ABCA12: variants seen among roughly 807,000 people sequenced by gnomAD.
ABCA12 encodes ATP binding cassette subfamily A member 12, also known as glucosylceramide transporter ABCA12.
A neutral mutation model predicts 293.5 loss-of-function variants in ABCA12; 156 were observed. The ratio of observed to expected loss-of-function variants is 0.53; its 90% confidence interval spans 0.47 to 0.61. ABCA12 has a LOEUF of 0.61. Among genes scored for constraint, ABCA12 ranks in the 20% least tolerant of loss-of-function variants. The probability of loss-of-function intolerance (pLI) is 0.00; values close to 1 mark genes in which losing one functional copy is unlikely to be tolerated. For synonymous variants in ABCA12, 1,063 were observed against 1,108.0 expected, an observed-to-expected ratio of 0.96 and a Z score of 0.81; for missense variants, 2,797 against 3,090.2, an observed-to-expected ratio of 0.91 and a Z score of 2.25.
intron 8 of ABCA12, among the ~76,000 whole-genome samples, chr2:215,035,316 T>A (rs573074105): frequency 1.3e-5 from 2 of 152,292 alleles, no homozygotes; most frequent in South Asian, 4.1e-4. Context: ...ATTTTATGAA[T>A]AAAAATACAT....
intron 31 of ABCA12, among the ~76,000 whole-genome samples, chr2:214,979,647 A>G (rs1006007679): frequency 6.6e-6 from 1 of 152,186 alleles, no homozygotes; most frequent in South Asian, 2.1e-4. Context: ...CCATCAGAAT[A>G]TAAACTCTAA....
intron 41 of ABCA12, among the ~76,000 whole-genome samples, chr2:214,957,551 C>T (rs1272395395): frequency 1.3e-5 from 2 of 152,132 alleles, no homozygotes; most frequent in African/African-American, 4.8e-5. Context: ...CATTTTAGAC[C>T]TCACTGGATA....
intron 39 of ABCA12, among the ~76,000 whole-genome samples, chr2:214,965,572 G>A (rs1447211483): frequency 6.6e-6 from 1 of 151,754 alleles, no homozygotes; most frequent in Non-Finnish European, 1.5e-5. Context: ...TGGGCAAAGG[G>A]CATGAACAGA....
chr2:215,055,439 T>G (rs550270756), intron 3 of ABCA12, among the ~76,000 whole-genome samples: 1 of 152,180 alleles, frequency 6.6e-6, no homozygotes, highest in South Asian at 2.1e-4. Context: ...GAAAACTGGA[T>G]GTATCTAAAA....
chr2:215,028,630 T>C (rs1490651703), intron 9 of ABCA12, among the ~76,000 whole-genome samples: 3 of 152,200 alleles, frequency 2.0e-5, no homozygotes, highest in African/African-American at 7.2e-5. Flanking sequence ...AGAGTAAGTT[T>C]TCTGTCCTAA....
rs994029219 is a variant in ABCA12, at chr2:214,946,732, A to T, written c.7239+690T>A. Among the ~76,000 whole-genome samples the T allele has an allele frequency of 2.1e-4, 32 of 152,174 alleles. 1 individual carries two copies. The highest frequency in any genetic ancestry group is 2.1e-3 in the Admixed American group (32 of 15,266). ...GGGATTTTCCAAAATAAGGGCAAGT[A>T]TATTTTTCTGAAATAACCATCCTTT... On this transcript the variant is annotated intron_variant, in intron 48 of 52. Coordinates refer to ENST00000272895, the MANE Select transcript of ABCA12 (RefSeq NM_173076.3).
chr2:214,948,405 A>G (rs1411324615), intron 47 of ABCA12, among the ~76,000 whole-genome samples, 191 bp downstream of exon 47: 1 of 151,922 alleles, frequency 6.6e-6, no homozygotes, highest in African/African-American at 2.4e-5. Flanking sequence ...ATAGGTGCAT[A>G]TATAATGCAC....
intron 3 of ABCA12, among the ~76,000 whole-genome samples, chr2:215,057,924 C>T (rs1701451671): frequency 6.6e-6 from 1 of 152,010 alleles, no homozygotes; most frequent in African/African-American, 2.4e-5. Context: ...AACTCACCAA[C>T]ATTGATTACA....
chr2:215,085,167 G>A (rs539184156), intron 2 of ABCA12, among the ~76,000 whole-genome samples: 1 of 151,294 alleles, frequency 6.6e-6, no homozygotes, highest in African/African-American at 2.4e-5. Context: ...GATTGATACA[G>A]TTCTTCGTGC....
At chr2:215,001,771 T>A (rs777180433) in intron 20 of ABCA12, 34 bp from the exon 21 acceptor site, 109 of 1,582,332 alleles carry the variant, frequency 6.9e-5, no homozygotes, top group Admixed American at 1.2e-4. Context: ...CAAAAAAAAA[T>A]TATGGTCCTG....
intron 14 of ABCA12, among the ~76,000 whole-genome samples, chr2:215,016,460 GTAGT>G (rs1700502527): frequency 6.6e-6 from 1 of 150,908 alleles, no homozygotes; most frequent in Non-Finnish European, 1.5e-5. Flanking sequence ...GCGGGTGCCT[GTAGT>G]CCCAGCTACT....
At chr2:215,032,146 TTGTC>T (rs1700892386) in intron 8 of ABCA12, 3 of 1,342,756 alleles carry the variant, frequency 2.2e-6, no homozygotes, top group Middle Eastern at 2.9e-4. Flanking sequence ...AACAAGTTCT[TTGTC>T]TGTGCATCAA....
At position 215,118,841 on chromosome 2, in the gene ABCA12, G is replaced by A. The variant is rs187491005; in HGVS notation, c.70-7151C>T. Among the ~76,000 whole-genome samples the A allele has an allele frequency of 1.8e-3, 278 of 152,150 alleles. 1 individual carries two copies. Among genetic ancestry groups the A allele is most frequent in the Middle Eastern group, 6.8e-3 (2 of 292 alleles). ...AAGTGTCTGTTCATGTCTTTTGCCC[G>A]TTTTTTAAATGGGATTATTTGTTTT... is the stretch of plus-strand genomic sequence containing the variant. On this transcript the variant is annotated intron_variant, in intron 1 of 52. Coordinates refer to ENST00000272895, the MANE Select transcript of ABCA12 (RefSeq NM_173076.3).
Position 214,987,630 on chromosome 2 carries a change from T to C in ABCA12, c.3976+17A>G. 1 of 1,608,022 alleles carries C rather than the reference T, an allele frequency of 6.2e-7. No homozygotes were observed. Among genetic ancestry groups the C allele is most frequent in the Non-Finnish European group, 8.5e-7 (1 of 1,175,166 alleles). On this transcript the variant is annotated intron_variant, in intron 27 of 52. Coordinates refer to ENST00000272895, the MANE Select transcript of ABCA12 (RefSeq NM_173076.3). Reference sequence around the variant, plus strand: ...TTTCTCTCATAACAAAGCACGCTGTTGACCGACTTGTCTTACTGGCAGATG... The same window carrying C: ...TTTCTCTCATAACAAAGCACGCTGTCGACCGACTTGTCTTACTGGCAGATG...
At chr2:214,983,015 AT>A (rs1356547985) in intron 29 of ABCA12, among the ~76,000 whole-genome samples, 11 of 152,166 alleles carry the variant, frequency 7.2e-5, no homozygotes, top group African/African-American at 2.7e-4. Flanking sequence ...ACAAATGGCC[AT>A]CTGGGGGGGT....
At chr2:215,079,318 G>A (rs1255335340) in intron 2 of ABCA12, among the ~76,000 whole-genome samples, 4 of 152,202 alleles carry the variant, frequency 2.6e-5, no homozygotes, top group African/African-American at 9.7e-5. Flanking sequence ...ACAGAAGGAT[G>A]AGAACTCAGA....
At position 214,953,751 on chromosome 2, in the gene ABCA12, T is replaced by G. The variant is rs935750438; in HGVS notation, c.6647+103A>C. ...TTTTAAAAGTTTTTGAGCCAAACAT[T>G]TCCATATTACCAATGGAAAAGCTTA... On this transcript the variant is annotated intron_variant, in intron 44 of 52. Coordinates refer to ENST00000272895, the MANE Select transcript of ABCA12 (RefSeq NM_173076.3). 2.9e-5 allele frequency: 41 copies of G among 1,433,932 alleles called. No individual in the cohort carries two copies. In the East Asian group the frequency reaches 1.0e-3, roughly 35 times the overall value. The allele number at this position is 1,433,932 out of a possible 1,614,324, so 88.8% of individuals were successfully genotyped here.
At chr2:215,005,629 CAAAT>C (rs1208529697) in intron 19 of ABCA12, among the ~76,000 whole-genome samples, 4 of 152,158 alleles carry the variant, frequency 2.6e-5, no homozygotes, top group African/African-American at 7.2e-5. Context: ...GCATCACTAA[CAAAT>C]AAAGTACTGT....
At chr2:214,939,056 G>A (rs534768131) in intron 50 of ABCA12, among the ~76,000 whole-genome samples, 43 of 152,228 alleles carry the variant, frequency 2.8e-4, no homozygotes, top group African/African-American at 1.0e-3. Flanking sequence ...GAATGGTATT[G>A]CCTAGATTTT....
Sources: gnomAD v4.1 joint callset for allele counts (sites outside exome capture counted in the v4.1 genomes callset) on GRCh38, gnomAD v4.1.1 for gene constraint, MANE v1.5 for transcripts, NCBI Gene and HGNC (gene_info 2026-07-23, HGNC 2026-07-21) for gene names.